NEK4: variants seen among roughly 807,000 people sequenced by gnomAD.
The protein encoded by NEK4 is NIMA related kinase 4.
A neutral mutation model predicts 98.4 loss-of-function variants in NEK4; 86 were observed. That is an observed-to-expected ratio of 0.87 (90% CI 0.73 to 1.05). NEK4 has a LOEUF of 1.05. NEK4 is among the 50% of genes least tolerant of loss of function. The probability of loss-of-function intolerance (pLI) is 0.00; values close to 1 mark genes in which losing one functional copy is unlikely to be tolerated. For synonymous variants in NEK4, 328 were observed against 342.2 expected, an observed-to-expected ratio of 0.96 and a Z score of 0.46; for missense variants, 898 against 950.3, an observed-to-expected ratio of 0.94 and a Z score of 0.72.
chr3:52,718,494 A>G (rs1047281567), intron 15 of NEK4, among the ~76,000 whole-genome samples: 7 of 149,750 alleles, frequency 4.7e-5, no homozygotes, highest in Non-Finnish European at 7.4e-5. Context: ...AAAAAAAAAG[A>G]AATACAATTA....
At position 52,768,659 on chromosome 3, in the gene NEK4, CT is replaced by C. The variant is rs549712324; in HGVS notation, c.94-56del. On this transcript the variant is annotated intron_variant, in intron 1 of 15. Transcript: ENST00000233027. ...TGCAAATAAACGTAAGATTTGTGGC[CT>C]CAGAGTTATCTAAGGGCTCTCAAGA... 2.4e-5 allele frequency: 38 copies of C among 1,562,378 alleles called. No homozygotes were observed. In the East Asian group the frequency reaches 8.3e-4, roughly 34 times the overall value.
chr3:52,762,318 TTCTCAGATAA>T (rs1415452720), intron 5 of NEK4, among the ~76,000 whole-genome samples: 2 of 152,232 alleles, frequency 1.3e-5, no homozygotes, highest in Non-Finnish European at 2.9e-5. Context: ...ATGTATAGGT[TTCTCAGATAA>T]TCTCTAATTA....
chr3:52,746,801 C>T lies in NEK4; in HGVS notation c.1610G>A (p.Arg537Gln), dbSNP rs750998173. The T allele has an allele frequency of 6.8e-6, 11 of 1,613,976 alleles. No homozygotes were observed. The highest frequency in any genetic ancestry group is 4.0e-5 in the African/African-American group (3 of 74,914). ...CTCAGTCTGTTCTCTCCTCTTTTGC[C>T]GTCGCTGTCGAGACAGGGAAGGTTC... Reference protein sequence around the residue: ...GSEPSLSRQRRQKRREQTEHR... With the variant: ...GSEPSLSRQRQQKRREQTEHR... Residue 537 changes from arginine to glutamine, a missense_variant, in exon 9 of 16, where the codon CGG becomes CAG. By Grantham distance (43) the Arg-to-Gln change is conservative. Transcript: ENST00000233027.
In NEK4 at chr3:52,739,421, C is replaced by T. The variant is rs752836563; in HGVS notation, c.2299+8G>A. ...CTAAAAAACAAAAAATAATAATAAG[C>T]TGATCACCTGAAGGTAGCTCTTTAA... On this transcript the variant is annotated splice_region_variant and intron_variant, in intron 14 of 15. Transcript: ENST00000233027. The T allele has an allele frequency of 6.2e-7, 1 of 1,611,498 alleles. No individual in the cohort carries two copies. The highest frequency in any genetic ancestry group is 8.5e-7 in the Non-Finnish European group (1 of 1,177,714).
intron 1 of NEK4, among the ~76,000 whole-genome samples, 200 bp from the exon 2 acceptor site, chr3:52,768,804 T>TA (rs1406397344): frequency 6.6e-6 from 1 of 152,206 alleles, no homozygotes; most frequent in East Asian, 1.9e-4. Context: ...GTTAGATTTA[T>TA]AGCAGTGTAG....
At chr3:52,753,881 A>G in intron 6 of NEK4, 1 of 359,994 alleles carries the variant, frequency 2.8e-6, no homozygotes. Context: ...TCAAGATGGC[A>G]TATTTAGGCC....
intron 15 of NEK4, among the ~76,000 whole-genome samples, chr3:52,732,257 G>A (rs182829987): frequency 1.4e-3 from 218 of 152,170 alleles, no homozygotes; most frequent in African/African-American, 5.1e-3. Context: ...GCAGTGGCGC[G>A]ATCTTGGCTC....
At chr3:52,725,052 CT>C (rs1202975748) in intron 15 of NEK4, among the ~76,000 whole-genome samples, 3 of 152,022 alleles carry the variant, frequency 2.0e-5, no homozygotes, top group Middle Eastern at 3.4e-3. Context: ...TTTGTAATTT[CT>C]TTTTTTTGTT....
At chr3:52,758,378 A>G (rs1698216080) in intron 6 of NEK4, among the ~76,000 whole-genome samples, 1 of 152,110 alleles carries the variant, frequency 6.6e-6, no homozygotes, top group Non-Finnish European at 1.5e-5. Context: ...GTACACTTAC[A>G]AATGGTTAAA....
rs145975959 is a variant in NEK4, at chr3:52,768,342, A to G, written c.356T>C (p.Leu119Ser). 17 of 1,614,142 alleles carry G rather than the reference A, an allele frequency of 1.1e-5. No individual in the cohort carries two copies. In the African/African-American group the frequency reaches 2.3e-4, roughly 22 times the overall value. ...TGCTATTAGTCTACACAGTACCTGC[A>G]AAGCCATGGCGATCTGTACAAACCA... The part of the protein sequence containing the change: ...VEWFVQIAMA[L>S]QYLHEKHILH... Residue 119 changes from leucine (L) to serine (S), a missense_variant, in exon 2 of 16, where the codon TTG becomes TCG. By Grantham distance (145) the Leu-to-Ser change is moderately radical (BLOSUM62 -2). Coordinates refer to ENST00000233027, the MANE Select transcript of NEK4 (RefSeq NM_003157.6).
chr3:52,708,782 G>A lies in NEK4; in HGVS notation c.*2995C>T, dbSNP rs1020485394. 8.5e-5 allele frequency: 13 copies of A among 152,270 alleles called. No individual in the cohort carries two copies. Among genetic ancestry groups the A allele is most frequent in the African/African-American group, 2.9e-4 (12 of 41,572 alleles). The allele number at this position is 152,270 out of a possible 1,614,324, so 9.4% of individuals were successfully genotyped here. A position where few individuals can be genotyped will look rare whatever the true frequency, so the allele number is the denominator to read the frequency against. On this transcript the variant is annotated 3_prime_UTR_variant, in exon 16 of 16. Transcript: ENST00000233027. ...ACTGCAAGCAGTAAAGGTTGTGCAG[G>A]TGATATTCAGTAACACTGCAGTGTA...
chr3:52,752,916 A>T (rs2097407869), intron 6 of NEK4, among the ~76,000 whole-genome samples: 1 of 113,296 alleles, frequency 8.8e-6, no homozygotes, highest in African/African-American at 3.0e-5. Context: ...AAAAAAAAAA[A>T]AATATATATA....
Position 52,770,865 on chromosome 3 carries a change from C to T in NEK4, c.-119G>A. On this transcript the variant is annotated 5_prime_UTR_variant, in exon 1 of 16. Coordinates refer to ENST00000233027, the MANE Select transcript of NEK4 (RefSeq NM_003157.6). ...CAGTGGGGGCGGCTGTTGAGGCAGCCGGGCCCGGGCGGGATTGCTGGGGCC... is the reference window on the plus strand; with the variant it reads ...CAGTGGGGGCGGCTGTTGAGGCAGCTGGGCCCGGGCGGGATTGCTGGGGCC... 3 of 825,878 alleles carry T rather than the reference C, an allele frequency of 3.6e-6. No homozygotes were observed. The highest frequency in any genetic ancestry group is 4.5e-5 in the Admixed American group (2 of 44,832). 51.2% of individuals were successfully genotyped at this position (825,878 alleles called of 1,614,324 possible). A position where few individuals can be genotyped will look rare whatever the true frequency, so the allele number is the denominator to read the frequency against.
chr3:52,708,595 T>C lies in NEK4; in HGVS notation c.*3182A>G, dbSNP rs2097347181. On this transcript the variant is annotated 3_prime_UTR_variant, in exon 16 of 16. Coordinates refer to ENST00000233027, the MANE Select transcript of NEK4 (RefSeq NM_003157.6). ...AGCTATATGTGACTAGTGGCTACCA[T>C]ATAAAACATTTCCATCACAAAGTTC... is the stretch of plus-strand genomic sequence containing the variant. 2 of 152,244 alleles carry C rather than the reference T, an allele frequency of 1.3e-5. No homozygotes were observed. Among genetic ancestry groups the C allele is most frequent in the African/African-American group, 4.8e-5 (2 of 41,464 alleles). 9.4% of individuals were successfully genotyped at this position (152,244 alleles called of 1,614,324 possible).
chr3:52,738,970 G>A (rs1202091579), intron 14 of NEK4, among the ~76,000 whole-genome samples: 1 of 152,110 alleles, frequency 6.6e-6, no homozygotes, highest in Non-Finnish European at 1.5e-5. Flanking sequence ...GAATACCTCT[G>A]TTGCAAAACA....
intron 2 of NEK4, among the ~76,000 whole-genome samples, chr3:52,767,517 G>C (rs1698613017): frequency 6.6e-6 from 1 of 151,758 alleles, no homozygotes; most frequent in Non-Finnish European, 1.5e-5. Context: ...TTCGAGACCA[G>C]CCTGGCCAAC....
chr3:52,756,364 T>C (rs540952743), intron 6 of NEK4, among the ~76,000 whole-genome samples: 2 of 152,236 alleles, frequency 1.3e-5, no homozygotes, highest in African/African-American at 4.8e-5. Context: ...AAAACCACAT[T>C]ATCAAAACAG....
intron 15 of NEK4, among the ~76,000 whole-genome samples, chr3:52,722,473 G>C (rs1198850685): frequency 6.6e-6 from 1 of 151,820 alleles, no homozygotes; most frequent in African/African-American, 2.4e-5. Context: ...ATTATCACAT[G>C]ATAAAAACTC....
intron 15 of NEK4, among the ~76,000 whole-genome samples, chr3:52,726,657 C>T (rs1443983794): frequency 6.6e-6 from 1 of 151,354 alleles, no homozygotes; most frequent in African/African-American, 2.4e-5. Context: ...CCTGTAATCC[C>T]AGAACTTTGG....
Sources: allele counts gnomAD v4.1 joint callset (sites outside exome capture counted in the v4.1 genomes callset), GRCh38; gene constraint gnomAD v4.1.1; transcripts MANE v1.5; gene names NCBI Gene and HGNC (gene_info 2026-07-23, HGNC 2026-07-21).